Variants in ZNF473 observed in about 807,000 individuals in gnomAD.
ZNF473 encodes zinc finger protein 100 homolog.
ZNF473 carries 4 observed loss-of-function variants against 11.1 expected under a neutral mutation model. The ratio of observed to expected loss-of-function variants is 0.36; its 90% CI spans 0.18 to 0.82. The LOEUF (loss-of-function observed/expected upper bound fraction) is 0.82. ZNF473 is among the 40% of genes least tolerant of loss of function. The pLI is 0.49. For missense variants in ZNF473, 854 were observed against 1,084.0 expected (o/e 0.79, Z 2.98); for synonymous variants, 404 against 390.4 (o/e 1.03, Z -0.41).
intron 4 of ZNF473, among the ~76,000 whole-genome samples, chr19:50,044,432 A>G (rs545414408): frequency 1.6e-4 from 25 of 152,312 alleles, no homozygotes; most frequent in African/African-American, 5.8e-4. Context: ...TTGGTCAGTC[A>G]CTTAGGTGTG....
chr19:50,026,790 G>A (rs1234554810), intron 1 of ZNF473, among the ~76,000 whole-genome samples: 1 of 152,084 alleles, frequency 6.6e-6, no homozygotes. Context: ...GCAGTGAGCT[G>A]AGAAAGAAAA....
At chr19:50,029,409 G>A (rs894931195) in intron 1 of ZNF473, among the ~76,000 whole-genome samples, 1 of 152,268 alleles carries the variant, frequency 6.6e-6, no homozygotes, top group African/African-American at 2.4e-5. Flanking sequence ...GCCTCCCAAA[G>A]TGCTGGGATT....
chr19:50,045,083 T>A lies in ZNF473; in HGVS notation c.640T>A (p.Cys214Ser), dbSNP rs775685590. The A allele has an allele frequency of 1.2e-6, 2 of 1,614,126 alleles. No homozygotes were observed. Among genetic ancestry groups the A allele is most frequent in the Non-Finnish European group, 1.7e-6 (2 of 1,180,022 alleles). Residue 214 changes from cysteine to serine, a missense_variant, in exon 5 of 5, where the codon TGT becomes AGT. Physicochemically the swap from Cys to Ser is moderately radical, Grantham distance 112. Transcript: ENST00000270617. ...EGEKPYQCSE[C>S]GKSFSGSYRL... ...GGAGAAACCATATCAATGTAGTGAA[T>A]GTGGGAAAAGCTTCAGTGGGAGTTA... is the stretch of plus-strand genomic sequence containing the variant.
At chr19:50,041,033 C>T (rs1250244509) in intron 3 of ZNF473, 2 of 152,232 alleles carry the variant, frequency 1.3e-5, no homozygotes, top group East Asian at 3.8e-4. Context: ...TCCACCAGCA[C>T]ACTTTTATTA....
Position 50,039,159 on chromosome 19 carries a change from A to G in ZNF473, c.10-2A>G. ...AGTGACCAATAGTGTACTGTGTTTC[A>G]GGAATTTGTGACCCTCAAGGATGTC... On this transcript the variant is annotated splice_acceptor_variant, in intron 2 of 4. Transcript: ENST00000270617. LOFTEE classifies it high-confidence loss of function. This position sits in a 1 kb window ranked among gnomAD's most constrained non-coding sequence, Gnocchi z 4.8. The G allele has an allele frequency of 6.2e-7, 1 of 1,613,918 alleles. No individual in the cohort carries two copies. The highest frequency in any genetic ancestry group is 2.2e-5 in the East Asian group (1 of 44,860).
At chr19:50,031,702 C>T (rs1017546655) in intron 2 of ZNF473, among the ~76,000 whole-genome samples, 2 of 152,150 alleles carry the variant, frequency 1.3e-5, no homozygotes, top group Non-Finnish European at 2.9e-5. Context: ...CTAGATGCTC[C>T]TTGGGGACAG....
chr19:50,037,287 A>G (rs764126425), intron 2 of ZNF473, among the ~76,000 whole-genome samples: 2 of 152,162 alleles, frequency 1.3e-5, no homozygotes, highest in Non-Finnish European at 2.9e-5. Context: ...TTGGGGTCAC[A>G]AGAGACATGC....
rs1164471835 is a variant in ZNF473 at position 50,039,359 on chromosome 19, CAG to C, written c.136+73_136+74del. 15 of 1,582,580 alleles carry C rather than the reference CAG, an allele frequency of 9.5e-6. No individual in the cohort carries two copies. ...GATCACCCATGCTCTCTACCACCCA[CAG>C]GGTGAAGTCCTGGCTCCTGGGCTCC... On this transcript the variant is annotated intron_variant, in intron 3 of 4. Coordinates refer to ENST00000270617, the MANE Select transcript of ZNF473 (RefSeq NM_015428.4). The surrounding 1 kb of genome is among the most constrained non-coding windows in gnomAD (Gnocchi z 4.8).
intron 2 of ZNF473, among the ~76,000 whole-genome samples, chr19:50,033,643 C>T (rs1490211207): frequency 2.0e-5 from 3 of 152,160 alleles, no homozygotes; most frequent in Middle Eastern, 3.2e-3. Context: ...TTTTACAGTT[C>T]TTCAGGTCTG....
In ZNF473 at chr19:50,045,167, T is replaced by C. The variant is rs747552047; in HGVS notation, c.724T>C (p.Cys242Arg). 8 of 1,613,986 alleles carry C rather than the reference T, an allele frequency of 5.0e-6. No individual in the cohort carries two copies. Among genetic ancestry groups the C allele is most frequent in the African/African-American group, 4.0e-5 (3 of 74,898 alleles). The change falls in exon 5 of 5, where the codon TGT (cysteine) becomes CGT (arginine). Residue 242 changes from cysteine to arginine, a missense_variant. Around this residue, in one of 2 missense-constraint regions of ZNF473, gnomAD observed 668 missense variants for 790.2 expected, o/e 0.85. Transcript: ENST00000270617. Reference protein sequence around the residue: ...TREKPTVHQECEQGFDRNASL... With the variant: ...TREKPTVHQEREQGFDRNASL... ...GGAGAAACCCACTGTCCATCAAGAG[T>C]GTGAGCAAGGTTTTGACCGGAATGC...
At chr19:50,031,561 TTCCCC>T (rs1391618497) in intron 2 of ZNF473, among the ~76,000 whole-genome samples, 3 of 152,056 alleles carry the variant, frequency 2.0e-5, no homozygotes, top group African/African-American at 7.2e-5. Flanking sequence ...CCCGGCTCAG[TTCCCC>T]CACCCTTCCC....
In ZNF473 at chr19:50,045,679, C is replaced by T. The variant is rs756071253; in HGVS notation, c.1236C>T (p.Phe412=). The part of the protein sequence containing the change: ...PYKCNERGKS[F]RHNSTLKIHQ... Reference sequence around the variant, plus strand: ...AGTGTAACGAACGTGGGAAATCCTTCAGGCATAACTCTACCCTAAAGATCC... The same window carrying T: ...AGTGTAACGAACGTGGGAAATCCTTTAGGCATAACTCTACCCTAAAGATCC... The change falls in exon 5 of 5, where the codon TTC becomes TTT. Residue 412 remains phenylalanine, a synonymous_variant. Coordinates refer to ENST00000270617, the MANE Select transcript of ZNF473 (RefSeq NM_015428.4). The T allele has an allele frequency of 6.2e-7, 1 of 1,614,102 alleles. No individual in the cohort carries two copies. Among genetic ancestry groups the T allele is most frequent in the East Asian group, 2.2e-5 (1 of 44,884 alleles).
chr19:50,030,848 G>A, intron 1 of ZNF473, 44 bp from the exon 2 acceptor site: 1 of 604,262 alleles, frequency 1.7e-6, no homozygotes, highest in Non-Finnish European at 3.0e-6. Flanking sequence ...CAAATGTGGG[G>A]CTGAGGTGGC....
chr19:50,044,228 T>C (rs1978941257), intron 4 of ZNF473, among the ~76,000 whole-genome samples: 1 of 151,996 alleles, frequency 6.6e-6, no homozygotes, highest in Admixed American at 6.6e-5. Flanking sequence ...ATGAAAATAG[T>C]GCCAAGTTGA....
chr19:50,035,095 C>G (rs1408296619), intron 2 of ZNF473, among the ~76,000 whole-genome samples: 1 of 152,118 alleles, frequency 6.6e-6, no homozygotes, highest in Non-Finnish European at 1.5e-5. Context: ...AGTTCAAGAT[C>G]AGCCTGGGCA....
rs60764032 is a variant in ZNF473, at chr19:50,045,661, C to T, written c.1218C>T (p.Asn406=). Reference sequence around the variant, plus strand: ...CTGGAGAGGAGCCTTATAAGTGTAACGAACGTGGGAAATCCTTCAGGCATA... The same window carrying T: ...CTGGAGAGGAGCCTTATAAGTGTAATGAACGTGGGAAATCCTTCAGGCATA... ...LHAGEEPYKC[N]ERGKSFRHNS... is the part of the protein sequence containing the mutation. The change falls in exon 5 of 5, where the codon AAC becomes AAT. Residue 406 remains asparagine, a synonymous_variant. Coordinates refer to ENST00000270617, the MANE Select transcript of ZNF473 (RefSeq NM_015428.4). The T allele has an allele frequency of 9.9e-3, 15,931 of 1,613,908 alleles. 1,369 individuals are homozygous for T. In the African/African-American group the frequency reaches 0.19, roughly 19 times the overall value.
At chr19:50,031,713 G>A (rs2077319125) in intron 2 of ZNF473, among the ~76,000 whole-genome samples, 1 of 152,164 alleles carries the variant, frequency 6.6e-6, no homozygotes, top group South Asian at 2.1e-4. Flanking sequence ...TTGGGGACAG[G>A]AACTGATGGG....
chr19:50,030,292 G>T (rs2077311088), intron 1 of ZNF473, among the ~76,000 whole-genome samples: 1 of 152,162 alleles, frequency 6.6e-6, no homozygotes, highest in Non-Finnish European at 1.5e-5. Flanking sequence ...CGGCTTACTT[G>T]AGGTCAGGAG....
chr19:50,033,015 G>A (rs888056633), intron 2 of ZNF473, among the ~76,000 whole-genome samples: 1 of 152,126 alleles, frequency 6.6e-6, no homozygotes, highest in African/African-American at 2.4e-5. Flanking sequence ...CCTCTGTAAA[G>A]ACCCCATTTC....
Sources: gnomAD v4.1 joint callset for allele counts (sites outside exome capture counted in the v4.1 genomes callset) on GRCh38, gnomAD v4.1.1 for gene constraint, gnomAD v4.1.1 regional missense constraint, Gnocchi (gnomAD v3.1) non-coding constraint, MANE v1.5 for transcripts, NCBI Gene and HGNC (gene_info 2026-07-23, HGNC 2026-07-21) for gene names.